The following MAP3K3 variants were observed in gnomAD, a reference collection of about 807,000 sequenced individuals.
The protein encoded by MAP3K3 is mitogen-activated protein kinase kinase kinase 3.
MAP3K3 carries 12 observed loss-of-function variants against 80.9 expected under a neutral mutation model. That is an observed-to-expected ratio of 0.15 (90% CI 0.10 to 0.24). The LOEUF is 0.24. Among genes scored for constraint, MAP3K3 ranks in the 10% least tolerant of loss-of-function variants. MAP3K3 has a pLI of 1.00. For missense variants in MAP3K3, 596 were observed against 834.7 expected, an observed-to-expected ratio of 0.71 and a Z score of 3.52; for synonymous variants, 272 against 307.1, an observed-to-expected ratio of 0.89 and a Z score of 1.19.
intron 2 of MAP3K3, among the ~76,000 whole-genome samples, chr17:63,634,979 A>G (rs2034293322): frequency 6.6e-6 from 1 of 152,244 alleles, no homozygotes; most frequent in South Asian, 2.1e-4. Flanking sequence ...TATTATTCAT[A>G]AACAGCCTCT....
chr17:63,685,101 G>A (rs1372615763), intron 7 of MAP3K3, among the ~76,000 whole-genome samples: 1 of 152,192 alleles, frequency 6.6e-6, no homozygotes, highest in African/African-American at 2.4e-5. Flanking sequence ...GTGCTCATCT[G>A]TGAAATGAGG....
intron 11 of MAP3K3, chr17:63,690,028 T>G: frequency 1.7e-6 from 1 of 595,702 alleles, no homozygotes; most frequent in Non-Finnish European, 3.0e-6. Context: ...ATTTGATCAA[T>G]GCAGAAGAGC....
intron 6 of MAP3K3, among the ~76,000 whole-genome samples, chr17:63,670,477 G>A (rs1297631518): frequency 2.0e-5 from 3 of 151,882 alleles, no homozygotes; most frequent in African/African-American, 7.3e-5. Flanking sequence ...CAGCTACTCA[G>A]GGGGCTGAGG....
chr17:63,654,697 A>T (rs1235556208), intron 4 of MAP3K3, among the ~76,000 whole-genome samples: 1 of 152,214 alleles, frequency 6.6e-6, no homozygotes, highest in East Asian at 1.9e-4. Flanking sequence ...GTATTAGTCT[A>T]TTCTCACTCT....
intron 6 of MAP3K3, among the ~76,000 whole-genome samples, chr17:63,679,602 T>C (rs2035289305): frequency 6.6e-6 from 1 of 152,110 alleles, no homozygotes; most frequent in Non-Finnish European, 1.5e-5. Flanking sequence ...CCTGTCTCAG[T>C]CTTCCAAGTA....
intron 2 of MAP3K3, among the ~76,000 whole-genome samples, chr17:63,643,864 G>A (rs1279791346): frequency 6.6e-6 from 1 of 152,084 alleles, no homozygotes; most frequent in Non-Finnish European, 1.5e-5. Flanking sequence ...TCAGGGGAAC[G>A]AGAAAAAGAA....
At chr17:63,624,258 T>C (rs1038011262) in intron 1 of MAP3K3, among the ~76,000 whole-genome samples, 1 of 152,222 alleles carries the variant, frequency 6.6e-6, no homozygotes, top group East Asian at 1.9e-4. Flanking sequence ...ATTATAGATT[T>C]TGAATAAATC....
At chr17:63,657,931 G>A in intron 5 of MAP3K3, 24 bp downstream of exon 5, 1 of 1,320,506 alleles carries the variant, frequency 7.6e-7, no homozygotes, top group Non-Finnish European at 1.1e-6. Context: ...GTCATGGTCT[G>A]GCAGCTGAAG....
intron 1 of MAP3K3, among the ~76,000 whole-genome samples, chr17:63,627,562 C>T (rs965571456): frequency 3.9e-5 from 6 of 151,906 alleles, no homozygotes; most frequent in Non-Finnish European, 5.9e-5. Flanking sequence ...CCTACCTCAG[C>T]CTCCCGAGTA....
intron 3 of MAP3K3, among the ~76,000 whole-genome samples, chr17:63,649,145 A>G (rs2034597934): frequency 6.6e-6 from 1 of 151,920 alleles, no homozygotes; most frequent in Admixed American, 6.6e-5. Context: ...CTTTTAAGAC[A>G]GGGTCTCTGG....
Position 63,670,605 on chromosome 17 carries a change from AAAAG to A in MAP3K3, c.502+3561_502+3564del, listed in dbSNP as rs1555691498. Among the ~76,000 whole-genome samples, 37 of 133,886 alleles carry A rather than the reference AAAAG, an allele frequency of 2.8e-4. No homozygotes were observed. The South Asian group carries it at 4.9e-3, about 18-fold the overall frequency. The allele number at this position is 133,886 out of a possible 152,430, so 87.8% of individuals were successfully genotyped here. A position where few individuals can be genotyped will look rare whatever the true frequency, so the allele number is the denominator to read the frequency against. ...CTGTCTCAAAAAAAAAAAAAAAAAA[AAAAG>A]AAAGAAAGAAAGAAATGGTGGGCTA... On this transcript the variant is annotated intron_variant, in intron 6 of 15. Transcript: ENST00000361733.
At chr17:63,663,552 A>G (rs2034938827) in intron 5 of MAP3K3, among the ~76,000 whole-genome samples, 1 of 152,176 alleles carries the variant, frequency 6.6e-6, no homozygotes, top group Admixed American at 6.6e-5. Flanking sequence ...CAGCCTAAGC[A>G]TATATAATCA....
intron 4 of MAP3K3, among the ~76,000 whole-genome samples, chr17:63,655,071 A>C (rs2034738021): frequency 1.3e-5 from 2 of 152,126 alleles, no homozygotes; most frequent in African/African-American, 4.8e-5. Context: ...TTAAATAAAC[A>C]AATAAAGGAA....
In MAP3K3 at chr17:63,632,755, G is replaced by A. The variant is rs1376444271; in HGVS notation, c.79G>A (p.Gly27Arg). Residue 27 changes from glycine (G) to arginine (R), a missense_variant, in exon 2 of 16, where the codon GGA becomes AGA. Gly to Arg is a moderately radical substitution (Grantham distance 125, BLOSUM62 -2). Around this residue, in one of 2 missense-constraint regions of MAP3K3, gnomAD observed 232 missense variants for 245.8 expected, o/e 0.94. Coordinates refer to ENST00000361733, the MANE Select transcript of MAP3K3 (RefSeq NM_002401.5). ...GATGAACCGACGTCACCGGATGCCT[G>A]GATATGAGACCATGAAGAACAAAGA... ...LQMNRRHRMP[G>R]YETMKNKDTG... The A allele has an allele frequency of 6.2e-7, 1 of 1,614,096 alleles. No individual in the cohort carries two copies. Among genetic ancestry groups the A allele is most frequent in the Admixed American group, 1.7e-5 (1 of 60,016 alleles).
chr17:63,682,773 T>C (rs1277133120), intron 7 of MAP3K3: 1 of 152,164 alleles, frequency 6.6e-6, no homozygotes, highest in Non-Finnish European at 1.5e-5. Flanking sequence ...AAAGATGGAG[T>C]CATAAAACAT....
At chr17:63,663,683 A>G (rs1322694022) in intron 5 of MAP3K3, among the ~76,000 whole-genome samples, 1 of 152,176 alleles carries the variant, frequency 6.6e-6, no homozygotes, top group South Asian at 2.1e-4. Flanking sequence ...AATAATTTGT[A>G]TAACAAGTGA....
chr17:63,644,425 A>G (rs2034502963), intron 2 of MAP3K3, among the ~76,000 whole-genome samples: 1 of 152,190 alleles, frequency 6.6e-6, no homozygotes, highest in Non-Finnish European at 1.5e-5. Flanking sequence ...CATGTTGGCC[A>G]GGCTGGTCTC....
At chr17:63,640,511 G>C (rs949511425) in intron 2 of MAP3K3, among the ~76,000 whole-genome samples, 2 of 152,140 alleles carry the variant, frequency 1.3e-5, no homozygotes, top group African/African-American at 4.8e-5. Flanking sequence ...TTAGTTTTTA[G>C]TTTCTATTTA....
At chr17:63,634,392 A>G (rs557591654) in intron 2 of MAP3K3, among the ~76,000 whole-genome samples, 1 of 152,326 alleles carries the variant, frequency 6.6e-6, no homozygotes, top group South Asian at 2.1e-4. Context: ...TGGAAGGCCC[A>G]AAAGGACGAG....
Sources: allele counts gnomAD v4.1 joint callset (sites outside exome capture counted in the v4.1 genomes callset), GRCh38; gene constraint gnomAD v4.1.1; regional missense constraint gnomAD v4.1.1; transcripts MANE v1.5; gene names NCBI Gene and HGNC (gene_info 2026-07-23, HGNC 2026-07-21).